Variants in ENTR1 observed in about 807,000 individuals in gnomAD.
ENTR1 encodes the protein endosome-associated-trafficking regulator 1.
A neutral mutation model predicts 47.9 loss-of-function variants in ENTR1; 47 were observed. That is an observed-to-expected ratio of 0.98 (90% CI 0.78 to 1.25). The LOEUF is 1.25. ENTR1 is among the 50% of genes most tolerant of loss of function. The probability of loss-of-function intolerance (pLI) is 0.00; values close to 1 mark genes in which losing one functional copy is unlikely to be tolerated. For missense variants in ENTR1, 668 were observed against 570.5 expected, an observed-to-expected ratio of 1.17 and a Z score of -1.74; for synonymous variants, 290 against 245.8, an observed-to-expected ratio of 1.18 and a Z score of -1.68.
In ENTR1 at chr9:136,402,778, C is replaced by T. The variant is rs748789003; in HGVS notation, c.*10G>A. 10 of 1,599,554 alleles carry T rather than the reference C, an allele frequency of 6.3e-6. No individual in the cohort carries two copies. The highest frequency in any genetic ancestry group is 7.7e-6 in the Non-Finnish European group (9 of 1,168,302). ...ACACGGAGCTTCATGCTGAGAACAC[C>T]CAGGGGTCCTCAAGAGTCTTCCTCC... On this transcript the variant is annotated 3_prime_UTR_variant, in exon 10 of 10. Coordinates refer to ENST00000357365, the MANE Select transcript of ENTR1 (RefSeq NM_001039707.2).
rs774069450 is a variant in ENTR1 at position 136,404,117 on chromosome 9, C to T, written c.1146G>A (p.Gln382=). ...GGTTCTGCAGGGCCACGTCGGCGTT[C>T]TGCTTCACCACGGTCAGGCTGGCAC... ...GQGASLTVVK[Q]NADVALQNLR... Residue 382 remains glutamine, a synonymous_variant, in exon 9 of 10, where the codon CAG becomes CAA. Coordinates refer to ENST00000357365, the MANE Select transcript of ENTR1 (RefSeq NM_001039707.2). 6 of 1,613,454 alleles carry T rather than the reference C, an allele frequency of 3.7e-6. No individual in the cohort carries two copies. Among genetic ancestry groups the T allele is most frequent in the Non-Finnish European group, 5.1e-6 (6 of 1,179,854 alleles).
chr9:136,407,798 G>A (rs200635330), intron 4 of ENTR1, 28 bp downstream of exon 4: 18 of 1,519,940 alleles, frequency 1.2e-5, no homozygotes, highest in Non-Finnish European at 1.6e-5. Context: ...GTCCCACAGA[G>A]CCATCGCCCA....
rs760979707 is a variant in ENTR1 at position 136,407,205 on chromosome 9, C to T, written c.759G>A (p.Ala253=). ...TGTCTCCCAGAGACTCTCCATGAAC[C>T]GCAAAGTCTGCGCTAGGACTCCCTG... The part of the protein sequence containing the change: ...SPAGSPSADF[A]VHGESLGDRH... The change falls in exon 5 of 10, where the codon GCG becomes GCA. Residue 253 remains alanine, a synonymous_variant. Transcript: ENST00000357365. The T allele has an allele frequency of 1.2e-5, 20 of 1,612,720 alleles. No homozygotes were observed. Among genetic ancestry groups the T allele is most frequent in the South Asian group, 8.8e-5 (8 of 91,064 alleles).
At chr9:136,406,487 C>T (rs1202984175) in intron 5 of ENTR1, among the ~76,000 whole-genome samples, 1 of 149,186 alleles carries the variant, frequency 6.7e-6, no homozygotes, top group South Asian at 2.2e-4. Flanking sequence ...AATAATTTTT[C>T]TTTTTTTTGA....
Position 136,409,008 on chromosome 9 carries a change from G to T in ENTR1, c.280C>A (p.His94Asn). The T allele has an allele frequency of 6.2e-7, 1 of 1,613,768 alleles. No individual in the cohort carries two copies. The highest frequency in any genetic ancestry group is 1.3e-5 in the African/African-American group (1 of 75,026). Residue 94 changes from histidine (H) to asparagine (N), a missense_variant, in exon 3 of 10, where the codon CAT (histidine) becomes AAT (asparagine). Coordinates refer to ENST00000357365, the MANE Select transcript of ENTR1 (RefSeq NM_001039707.2). ...KQSPSGAHGT[H>N]FGDDRFEDLE... Reference sequence around the variant, plus strand: ...TGCTGAACTACTCTACCTCCAAAATGTGTCCCGTGGGCTCCTGACGGGCTC... The same window carrying T: ...TGCTGAACTACTCTACCTCCAAAATTTGTCCCGTGGGCTCCTGACGGGCTC...
chr9:136,404,557 G>T, intron 8 of ENTR1, 74 bp downstream of exon 8: 1 of 1,499,604 alleles, frequency 6.7e-7, no homozygotes, highest in Middle Eastern at 1.7e-4. Flanking sequence ...AGAGTCTTTC[G>T]CCTCTTTCTT....
intron 9 of ENTR1, 144 bp downstream of exon 9, chr9:136,403,911 C>T: frequency 1.1e-6 from 1 of 949,898 alleles, no homozygotes; most frequent in East Asian, 2.6e-5. Flanking sequence ...GCTAACAGGA[C>T]CACTGAGCAC....
rs1238025468 is a variant in ENTR1 at position 136,408,989 on chromosome 9, A to G, written c.289+10T>C. The G allele has an allele frequency of 6.2e-7, 1 of 1,612,884 alleles. No homozygotes were observed. Among genetic ancestry groups the G allele is most frequent in the Non-Finnish European group, 8.5e-7 (1 of 1,179,182 alleles). Reference sequence around the variant, plus strand: ...GGAGACAAGAAGAAAAGGTTGCTGAACTACTCTACCTCCAAAATGTGTCCC... The same window carrying G: ...GGAGACAAGAAGAAAAGGTTGCTGAGCTACTCTACCTCCAAAATGTGTCCC... On this transcript the variant is annotated intron_variant, in intron 3 of 9. Transcript: ENST00000357365.
chr9:136,408,855 ACTGAACCCTTGAAATCCCACCCCCAC>A (rs1834916878), intron 3 of ENTR1, 118 bp downstream of exon 3: 5 of 648,596 alleles, frequency 7.7e-6, no homozygotes, highest in African/African-American at 3.6e-5. Context: ...TAGGATCAAG[ACTGAACCCTTGAAATCCCACCCCCAC>A]CTGCTCTTTT....
chr9:136,405,220 C>G lies in ENTR1; in HGVS notation c.894-18G>C. ...TCCTCACCCTTGTTAAAGAAAAACC[C>G]GAGTTGTTAATTTCTGTGGCTACTT... On this transcript the variant is annotated intron_variant, in intron 6 of 9. Coordinates refer to ENST00000357365, the MANE Select transcript of ENTR1 (RefSeq NM_001039707.2). The G allele has an allele frequency of 1.3e-6, 2 of 1,596,428 alleles. No individual in the cohort carries two copies. Among genetic ancestry groups the G allele is most frequent in the Non-Finnish European group, 1.7e-6 (2 of 1,164,100 alleles).
In ENTR1 at chr9:136,404,177, G is replaced by T; in HGVS notation, c.1086C>A (p.Phe362Leu). The T allele has an allele frequency of 6.2e-7, 1 of 1,609,564 alleles. No homozygotes were observed. Among genetic ancestry groups the T allele is most frequent in the South Asian group, 1.1e-5 (1 of 90,870 alleles). Residue 362 changes from phenylalanine to leucine, a missense_variant, in exon 9 of 10, where the codon TTC becomes TTA. By Grantham distance (22) the Phe-to-Leu change is conservative (BLOSUM62 0). Transcript: ENST00000357365. ...ACCGCAGGGCTTCATTCTCTCGCTG[G>T]AAGTTGGAGACCTGCGCCTGGGGGG... is the stretch of plus-strand genomic sequence containing the variant. Reference protein sequence around the residue: ...ISLLQAQVSNFQRENEALRCG... With the variant: ...ISLLQAQVSNLQRENEALRCG...
At chr9:136,410,028 G>C (rs1490580874) in intron 2 of ENTR1, 62 bp downstream of exon 2, 15 of 1,576,394 alleles carry the variant, frequency 9.5e-6, no homozygotes, top group Non-Finnish European at 8.7e-6. Context: ...TGCTGCAGCG[G>C]AGGTGCCACA....
In ENTR1 at chr9:136,410,376, G is replaced by A. The variant is rs1395187495; in HGVS notation, c.22C>T (p.Pro8Ser). Residue 8 changes from proline (P) to serine (S), a missense_variant, in exon 1 of 10, where the codon CCG becomes TCG. Pro to Ser is a moderately conservative substitution (Grantham distance 74, BLOSUM62 -1). Transcript: ENST00000357365. Reference protein sequence around the residue: MSGYQRRPGATPLSRARS... With the variant: MSGYQRRSGATPLSRARS... Reference sequence around the variant, plus strand: ...GCTCGGGACAGCGGGGTGGCGCCCGGGCGGCGCTGGTAGCCCGACATCGCC... The same window carrying A: ...GCTCGGGACAGCGGGGTGGCGCCCGAGCGGCGCTGGTAGCCCGACATCGCC... 6.9e-7 allele frequency: 1 copy of A among 1,446,308 alleles called. No individual in the cohort carries two copies. Among genetic ancestry groups the A allele is most frequent in the East Asian group, 2.9e-5 (1 of 34,482 alleles). The allele number at this position is 1,446,308 out of a possible 1,614,324, so 89.6% of individuals were successfully genotyped here.
intron 9 of ENTR1, among the ~76,000 whole-genome samples, chr9:136,403,326 G>T (rs1192737322): frequency 1.1e-5 from 1 of 92,410 alleles, no homozygotes; most frequent in African/African-American, 3.9e-5. Flanking sequence ...TTTGCCGGGG[G>T]GAGAAAGGGA....
chr9:136,410,221 C>T lies in ENTR1; in HGVS notation c.89G>A (p.Arg30His), dbSNP rs763352894. 4.4e-6 allele frequency: 7 copies of T among 1,587,140 alleles called. No individual in the cohort carries two copies. The Admixed American group carries it at 5.5e-5, about 12-fold the overall frequency. ...ATTTAGCTGGGGGAGACAAGACCGG[C>T]GCTCATAGAACGCTGGAGCTGGAAG... Reference protein sequence around the residue: ...AIPDAPAFYERRSCLPQLNCE... With the variant: ...AIPDAPAFYEHRSCLPQLNCE... Residue 30 changes from arginine to histidine, a missense_variant, in exon 2 of 10, where the codon CGC (arginine) becomes CAC (histidine). By Grantham distance (29) the Arg-to-His change is conservative. Transcript: ENST00000357365.
chr9:136,405,151 G>A lies in ENTR1; in HGVS notation c.945C>T (p.Ser315=), dbSNP rs188807088. 9.9e-6 allele frequency: 16 copies of A among 1,613,988 alleles called. No individual in the cohort carries two copies. Among genetic ancestry groups the A allele is most frequent in the Middle Eastern group, 3.3e-4 (2 of 6,060 alleles). The change falls in exon 7 of 10, where the codon AGC becomes AGT. Residue 315 remains serine (S), a synonymous_variant. Transcript: ENST00000357365. ...KLEAKMIKEE[S]DYHDLESVVQ... ...CCACCGACTCCAGGTCGTGGTAGTCGCTTTCCTCCTTGATCATTTTTGCTT... is the reference window on the plus strand; with the variant it reads ...CCACCGACTCCAGGTCGTGGTAGTCACTTTCCTCCTTGATCATTTTTGCTT...
chr9:136,405,178 T>C lies in ENTR1; in HGVS notation c.918A>G (p.Leu306=), dbSNP rs538551004. 6.2e-7 allele frequency: 1 copy of C among 1,614,034 alleles called. No homozygotes were observed. The highest frequency in any genetic ancestry group is 1.7e-5 in the Admixed American group (1 of 60,024). Residue 306 remains leucine (L), a synonymous_variant, in exon 7 of 10, where the codon TTA becomes TTG. Transcript: ENST00000357365. ...TEMVRTLERK[L]EAKMIKEESD... ...TTTCCTCCTTGATCATTTTTGCTTC[T>C]AACTTCCGCTCAAGCGTCCTCACCC...
In ENTR1 at chr9:136,410,550, C is replaced by G. The variant is rs1355937884; in HGVS notation, c.-153G>C. 1 of 1,125,262 alleles carries G rather than the reference C, an allele frequency of 8.9e-7. No individual in the cohort carries two copies. Among genetic ancestry groups the G allele is most frequent in the Admixed American group, 4.3e-5 (1 of 23,058 alleles). The allele number at this position is 1,125,262 out of a possible 1,614,324, so 69.7% of individuals were successfully genotyped here. A position where few individuals can be genotyped will look rare whatever the true frequency, so the allele number is the denominator to read the frequency against. On this transcript the variant is annotated 5_prime_UTR_variant, in exon 1 of 10. Transcript: ENST00000357365. ...GCCCCCGCGCCTCCGAGCCTCTCGCCGCTGCTTCCGCTCCGAGCACCGAAA... is the reference window on the plus strand; with the variant it reads ...GCCCCCGCGCCTCCGAGCCTCTCGCGGCTGCTTCCGCTCCGAGCACCGAAA...
At position 136,402,551 on chromosome 9, in the gene ENTR1, T is replaced by C. The variant is rs1834535409; in HGVS notation, c.*237A>G. The C allele has an allele frequency of 4.8e-6, 2 of 416,520 alleles. No homozygotes were observed. Among genetic ancestry groups the C allele is most frequent in the Admixed American group, 8.2e-5 (2 of 24,330 alleles). 25.8% of individuals were successfully genotyped at this position (416,520 alleles called of 1,614,324 possible). ...TCTTCCAAGAGCTCATTAGAATCTA[T>C]AAGATCGCAGGAATTTCGCCAAGAA... On this transcript the variant is annotated 3_prime_UTR_variant, in exon 10 of 10. Coordinates refer to ENST00000357365, the MANE Select transcript of ENTR1 (RefSeq NM_001039707.2).
Sources: gnomAD v4.1 joint callset for allele counts (sites outside exome capture counted in the v4.1 genomes callset) on GRCh38, gnomAD v4.1.1 for gene constraint, MANE v1.5 for transcripts, NCBI Gene and HGNC (gene_info 2026-07-23, HGNC 2026-07-21) for gene names.